PCDHGA3: variants seen among roughly 807,000 people sequenced by gnomAD.
PCDHGA3 encodes the protein protocadherin gamma-A3.
PCDHGA3 carries 40 observed loss-of-function variants against 58.5 expected under a neutral mutation model. That is an observed-to-expected ratio of 0.68 (90% CI 0.53 to 0.89). The LOEUF (loss-of-function observed/expected upper bound fraction) is 0.89, where lower values mean the gene tolerates loss of function less well. Ranked by LOEUF, PCDHGA3 falls within the 40% of genes least tolerant of loss-of-function variation. PCDHGA3 has a pLI of 0.00. For synonymous variants in PCDHGA3, 530 were observed against 525.7 expected (o/e 1.01, Z -0.11); for missense variants, 1,223 against 1,195.9 (o/e 1.02, Z -0.33).
intron 1 of PCDHGA3, chr5:141,375,289 T>C (rs760342816): frequency 6.2e-7 from 1 of 1,613,842 alleles, no homozygotes; most frequent in South Asian, 1.1e-5. Flanking sequence ...GCAATTATTA[T>C]CGATTAGTGA....
intron 1 of PCDHGA3, chr5:141,356,834 A>C: frequency 6.2e-7 from 1 of 1,614,166 alleles, no homozygotes; most frequent in Non-Finnish European, 8.5e-7. Flanking sequence ...CTCAGCAGCA[A>C]TGTGTCACTG....
intron 1 of PCDHGA3, among the ~76,000 whole-genome samples, chr5:141,454,371 G>A (rs901551817): frequency 6.6e-6 from 1 of 152,096 alleles, no homozygotes; most frequent in Non-Finnish European, 1.5e-5. Context: ...AAGGAGTATG[G>A]CAACTTGTCA....
chr5:141,461,228 A>C (rs1472527415), intron 1 of PCDHGA3, among the ~76,000 whole-genome samples: 1 of 151,976 alleles, frequency 6.6e-6, no homozygotes, highest in Non-Finnish European at 1.5e-5. Flanking sequence ...TTTTCCATAG[A>C]GGTTGTACTA....
At position 141,345,609 on chromosome 5, in the gene PCDHGA3, A is replaced by G; in HGVS notation, c.1576A>G (p.Arg526Gly). 2 of 1,614,150 alleles carry G rather than the reference A, an allele frequency of 1.2e-6. No homozygotes were observed. Among genetic ancestry groups the G allele is most frequent in the Non-Finnish European group, 1.7e-6 (2 of 1,180,028 alleles). ...ALRSFDYEQF[R>G]DLKLLVTASD... ...GAGATCCTTCGACTACGAGCAATTT[A>G]GAGACTTAAAGCTACTGGTGACAGC... Residue 526 changes from arginine (R) to glycine (G), a missense_variant, in exon 1 of 4, where the codon AGA becomes GGA. Around this residue, in one of 3 missense-constraint regions of PCDHGA3, gnomAD observed 791 missense variants for 708.5 expected, o/e 1.12. Coordinates refer to ENST00000253812, the MANE Select transcript of PCDHGA3 (RefSeq NM_018916.4).
At chr5:141,413,500 A>C (rs1422297029) in intron 1 of PCDHGA3, 2 of 1,614,034 alleles carry the variant, frequency 1.2e-6, no homozygotes, top group South Asian at 1.1e-5. Flanking sequence ...GTGCGTGGTG[A>C]GTTTTAATAT....
chr5:141,351,559 C>G, intron 1 of PCDHGA3: 1 of 1,614,050 alleles, frequency 6.2e-7, no homozygotes, highest in Non-Finnish European at 8.5e-7. Context: ...CCAGGACAAG[C>G]ATCACCCTGC....
chr5:141,388,204 A>T lies in PCDHGA3; in HGVS notation c.2424+41747A>T, dbSNP rs746829885. ...AAGCCAGCTTGTGCTCTGGAATTTG[A>T]GGCTGTTGCTGAAAATCCACTGAAC... On this transcript the variant is annotated intron_variant, in intron 1 of 3. Coordinates refer to ENST00000253812, the MANE Select transcript of PCDHGA3 (RefSeq NM_018916.4). 9 of 1,575,744 alleles carry T rather than the reference A, an allele frequency of 5.7e-6. No homozygotes were observed. The Admixed American group carries it at 1.5e-4, about 27-fold the overall frequency.
In PCDHGA3 at chr5:141,511,979, T is replaced by C. The variant is rs1205375941; in HGVS notation, c.*806T>C. ...AGGAAGGGAAGTGTGTGGATGTGGA[T>C]GGTGGGGGCATGGACAAAGCTTGAC... On this transcript the variant is annotated 3_prime_UTR_variant, in exon 4 of 4. Transcript: ENST00000253812. The C allele has an allele frequency of 6.5e-5, 10 of 153,278 alleles. No individual in the cohort carries two copies. The highest frequency in any genetic ancestry group is 1.5e-4 in the Non-Finnish European group (10 of 68,568). The allele number at this position is 153,278 out of a possible 1,614,324, so 9.5% of individuals were successfully genotyped here.
At chr5:141,380,165 G>C (rs900894194) in intron 1 of PCDHGA3, among the ~76,000 whole-genome samples, 2 of 152,092 alleles carry the variant, frequency 1.3e-5, no homozygotes, top group Non-Finnish European at 2.9e-5. Flanking sequence ...CTCTCAAAGG[G>C]CTGGGATTAC....
chr5:141,361,239 G>C (rs555666915), intron 1 of PCDHGA3: 8 of 1,613,958 alleles, frequency 5.0e-6, no homozygotes, highest in Non-Finnish European at 5.1e-6. Flanking sequence ...TGATCGCCTT[G>C]ATAAAAACGA....
intron 1 of PCDHGA3, chr5:141,394,476 C>T (rs763209018): frequency 3.8e-5 from 61 of 1,614,238 alleles, no homozygotes; most frequent in Admixed American, 1.7e-4. Flanking sequence ...CGTGCTGGAC[C>T]AGAATGACAA....
At chr5:141,418,742 G>GA in intron 1 of PCDHGA3, 1 of 1,613,896 alleles carries the variant, frequency 6.2e-7, no homozygotes, top group Non-Finnish European at 8.5e-7. Flanking sequence ...GTTCTCTCTG[G>GA]ATTACACTAC....
chr5:141,405,238 C>T, intron 1 of PCDHGA3: 1 of 1,614,168 alleles, frequency 6.2e-7, no homozygotes, highest in African/African-American at 1.3e-5. Flanking sequence ...TCACCGCTGA[C>T]TCAAGGAAGA....
At chr5:141,366,242 C>T (rs766649335) in intron 1 of PCDHGA3, 1 of 1,613,782 alleles carries the variant, frequency 6.2e-7, no homozygotes, top group East Asian at 2.2e-5. Flanking sequence ...CAGAGACGCG[C>T]TCAAGCAGAG....
In PCDHGA3 at chr5:141,344,131, A is replaced by G; in HGVS notation, c.98A>G (p.Tyr33Cys). Residue 33 changes from tyrosine (Y) to cysteine (C), a missense_variant, in exon 1 of 4, where the codon TAC becomes TGC. Tyr to Cys is a radical substitution (Grantham distance 194). Transcript: ENST00000253812. ...GAAACAGGATCCGGTCAGATCCGCT[A>G]CTCGGTGTCTGAGGAGCTAGATAAA... is the stretch of plus-strand genomic sequence containing the variant. ...LCETGSGQIR[Y>C]SVSEELDKGS... 1.2e-6 allele frequency: 2 copies of G among 1,613,974 alleles called. No homozygotes were observed. Among genetic ancestry groups the G allele is most frequent in the Non-Finnish European group, 1.7e-6 (2 of 1,179,850 alleles).
intron 1 of PCDHGA3, chr5:141,417,959 C>A (rs759279387): frequency 5.0e-6 from 8 of 1,613,734 alleles, no homozygotes; most frequent in Non-Finnish European, 6.8e-6. Context: ...TGAGCCGATC[C>A]GCTACTCGAT....
Position 141,485,625 on chromosome 5 carries a change from G to T in PCDHGA3, c.2425-9182G>T. 6.2e-7 allele frequency: 1 copy of T among 1,611,968 alleles called. No individual in the cohort carries two copies. On this transcript the variant is annotated intron_variant, in intron 1 of 3. Transcript: ENST00000253812. This position sits in a 1 kb window ranked among gnomAD's most constrained non-coding sequence, Gnocchi z 5.7. ...GGGGAGGCAGCTCCTCCAGGACAGC[G>T]TTTCCCGTTGGAAAAGGCTCAGGAT...
At position 141,511,410 on chromosome 5, in the gene PCDHGA3, T is replaced by A; in HGVS notation, c.*237T>A. The stretch of plus-strand genomic sequence containing the variant: ...GGAACCCCCATCCAATCAACTGCTG[T>A]ACCCATGGGGGTAGTGGGGTTACTG... On this transcript the variant is annotated 3_prime_UTR_variant, in exon 4 of 4. Coordinates refer to ENST00000253812, the MANE Select transcript of PCDHGA3 (RefSeq NM_018916.4). 1 of 908,820 alleles carries A rather than the reference T, an allele frequency of 1.1e-6. No individual in the cohort carries two copies. The highest frequency in any genetic ancestry group is 1.6e-6 in the Non-Finnish European group (1 of 624,202). 56.3% of individuals were successfully genotyped at this position (908,820 alleles called of 1,614,324 possible). A position where few individuals can be genotyped will look rare whatever the true frequency, so the allele number is the denominator to read the frequency against.
chr5:141,420,460 A>G lies in PCDHGA3; in HGVS notation c.2424+74003A>G, dbSNP rs946386638. On this transcript the variant is annotated intron_variant, in intron 1 of 3. Coordinates refer to ENST00000253812, the MANE Select transcript of PCDHGA3 (RefSeq NM_018916.4). ...AATGCCTCAGTCTTCCTACTATTCA[A>G]AGACATTTTAAAGCAAACTACATGG... The G allele has an allele frequency of 3.4e-6, 3 of 889,944 alleles. No individual in the cohort carries two copies. The African/African-American group carries it at 5.2e-5, about 16-fold the overall frequency. 55.1% of individuals were successfully genotyped at this position (889,944 alleles called of 1,614,324 possible).
Sources: allele counts gnomAD v4.1 joint callset (sites outside exome capture counted in the v4.1 genomes callset), GRCh38; gene constraint gnomAD v4.1.1; regional missense constraint gnomAD v4.1.1; non-coding constraint Gnocchi (gnomAD v3.1); transcripts MANE v1.5; gene names NCBI Gene and HGNC (gene_info 2026-07-23, HGNC 2026-07-21).